Variants in ARFGEF1 observed in about 807,000 individuals in gnomAD.
ARFGEF1 encodes brefeldin A-inhibited guanine nucleotide-exchange protein 1.
Under a neutral mutation model 231.0 loss-of-function variants are expected in ARFGEF1, and 42 were observed. The observed-to-expected ratio is 0.18, with a 90% confidence interval of 0.14 to 0.24. The LOEUF (loss-of-function observed/expected upper bound fraction) is 0.24, where lower values mean the gene tolerates loss of function less well. Ranked by LOEUF, ARFGEF1 falls within the 10% of genes least tolerant of loss-of-function variation. ARFGEF1 has a pLI of 1.00. For synonymous variants in ARFGEF1, 710 were observed against 732.3 expected, an observed-to-expected ratio of 0.97 and a Z score of 0.49; for missense variants, 1,345 against 2,192.0, an observed-to-expected ratio of 0.61 and a Z score of 7.72.
rs1186065653 is a variant in ARFGEF1, at chr8:67,341,425, CAAAAAAAAAAA to C, written c.124+1728_124+1738del. 1.5e-4 allele frequency among the ~76,000 whole-genome samples: 13 copies of C among 87,912 alleles called. No homozygotes were observed. The East Asian group carries it at 4.0e-3, about 27-fold the overall frequency. The allele number at this position is 87,912 out of a possible 152,430, so 57.7% of individuals were successfully genotyped here. A position where few individuals can be genotyped will look rare whatever the true frequency, so the allele number is the denominator to read the frequency against. On this transcript the variant is annotated intron_variant, in intron 1 of 38. Transcript: ENST00000262215. ...GATATAGAGAGACCGCCATCTCCAC[CAAAAAAAAAAA>C]AAAAAAAAAAAAATTAGCCAGGTGT...
intron 29 of ARFGEF1, among the ~76,000 whole-genome samples, chr8:67,221,761 C>T (rs1839168563): frequency 6.6e-6 from 1 of 151,746 alleles, no homozygotes; most frequent in Non-Finnish European, 1.5e-5. Flanking sequence ...TCCAGTCCGG[C>T]GAGTTCCAGT....
At chr8:67,184,654 G>A (rs1046240178) in intron 5 of ARFGEF1, among the ~76,000 whole-genome samples, 1 of 151,950 alleles carries the variant, frequency 6.6e-6, no homozygotes, top group Non-Finnish European at 1.5e-5. Context: ...GAACCAGGAG[G>A]TGGAGGTTAC....
At chr8:67,251,061 C>A in intron 19 of ARFGEF1, among the ~76,000 whole-genome samples, 1 of 152,180 alleles carries the variant, frequency 6.6e-6, no homozygotes, top group Non-Finnish European at 1.5e-5. Flanking sequence ...CTTTTCTTTG[C>A]TTAATTCCTA....
At position 67,222,164 on chromosome 8, in the gene ARFGEF1, CATATATATATATATACACATATATAT is replaced by C. The variant is rs1190353196; in HGVS notation, c.4209-2630_4209-2605del. Among the ~76,000 whole-genome samples, 35 of 119,152 alleles carry C rather than the reference CATATATATATATATACACATATATAT, an allele frequency of 2.9e-4. 2 individuals are homozygous for C. Among genetic ancestry groups the C allele is most frequent in the Middle Eastern group, 4.4e-3 (1 of 228 alleles). 78.2% of individuals were successfully genotyped at this position (119,152 alleles called of 152,430 possible). A position where few individuals can be genotyped will look rare whatever the true frequency, so the allele number is the denominator to read the frequency against. On this transcript the variant is annotated intron_variant, in intron 29 of 38. Coordinates refer to ENST00000262215, the MANE Select transcript of ARFGEF1 (RefSeq NM_006421.5). ...ATGTTTTTACTGTACCTTTTCCATG[CATATATATATATATACACATATATAT>C]ATATATATATATATACACACACATA...
intron 27 of ARFGEF1, 35 bp downstream of exon 27, chr8:67,227,102 T>A: frequency 6.5e-7 from 1 of 1,545,954 alleles, no homozygotes; most frequent in Admixed American, 2.0e-5. Flanking sequence ...TTTTTTTTTT[T>A]CCTTTTACTT....
intron 1 of ARFGEF1, 61 bp downstream of exon 1, chr8:67,343,092 CACCCCCCCACA>C: frequency 1.6e-6 from 1 of 611,432 alleles, no homozygotes; most frequent in Non-Finnish European, 2.5e-6. Flanking sequence ...CGGGCGACCC[CACCCCCCCACA>C]GGCGCCCCCC....
At chr8:67,227,356 C>T in intron 26 of ARFGEF1, 47 bp from the exon 27 acceptor site, 1 of 1,596,342 alleles carries the variant, frequency 6.3e-7, no homozygotes, top group Non-Finnish European at 8.6e-7. Context: ...CGATAAAACT[C>T]ATCAGTTTTT....
chr8:67,186,406 ACT>A (rs1204771431), intron 5 of ARFGEF1, among the ~76,000 whole-genome samples: 12 of 126,134 alleles, frequency 9.5e-5, no homozygotes, highest in African/African-American at 4.0e-4. Context: ...AATAAACCTC[ACT>A]GTTTTAAATT....
intron 1 of ARFGEF1, among the ~76,000 whole-genome samples, chr8:67,335,385 G>A (rs573699003): frequency 9.9e-5 from 15 of 152,192 alleles, no homozygotes; most frequent in Admixed American, 2.6e-4. Flanking sequence ...GATCACAGGC[G>A]CCAGCCACCA....
chr8:67,303,614 T>C (rs969766710), intron 1 of ARFGEF1, among the ~76,000 whole-genome samples: 2 of 151,852 alleles, frequency 1.3e-5, no homozygotes, highest in African/African-American at 4.8e-5. Context: ...CTCGGACGGC[T>C]GAGGCAGGAG....
At chr8:67,185,261 T>G (rs1347248617) in intron 5 of ARFGEF1, among the ~76,000 whole-genome samples, 1 of 152,150 alleles carries the variant, frequency 6.6e-6, no homozygotes, top group Non-Finnish European at 1.5e-5. Flanking sequence ...CACCAGCCAA[T>G]GGAAGATTTG....
chr8:67,258,377 G>A, intron 15 of ARFGEF1, 87 bp from the exon 16 acceptor site: 15 of 951,354 alleles, frequency 1.6e-5, no homozygotes, highest in Non-Finnish European at 2.3e-5. Flanking sequence ...CCAGGCTGGG[G>A]TGCAGTGGCA....
Position 67,343,501 on chromosome 8 carries a change from A to C in ARFGEF1, c.-214T>G. 2 of 1,246,292 alleles carry C rather than the reference A, an allele frequency of 1.6e-6. No homozygotes were observed. The highest frequency in any genetic ancestry group is 3.4e-5 in the East Asian group (1 of 28,996). 77.2% of individuals were successfully genotyped at this position (1,246,292 alleles called of 1,614,324 possible). On this transcript the variant is annotated 5_prime_UTR_variant, in exon 1 of 39. Transcript: ENST00000262215. ...CGTCGAGGTCCTCGCCGCCCCCAAG[A>C]AGCCGTACCTCGAGGGCCGCGCCCG... is the stretch of plus-strand genomic sequence containing the variant.
chr8:67,206,791 G>A (rs917223776), intron 34 of ARFGEF1, among the ~76,000 whole-genome samples: 3 of 152,244 alleles, frequency 2.0e-5, no homozygotes, highest in African/African-American at 7.2e-5. Flanking sequence ...GCAGACAACT[G>A]CCCAAAGGGA....
downstream of ARFGEF1, among the ~76,000 whole-genome samples, chr8:67,194,687 TA>T (rs546923662): frequency 0.019 from 2,592 of 135,256 alleles, 53 homozygotes; most frequent in African/African-American, 0.056. Context: ...CCAGGAGAAT[TA>T]AAAAAAAAAA....
chr8:67,300,660 CA>C (rs200434355), intron 3 of ARFGEF1, among the ~76,000 whole-genome samples: 4,269 of 87,952 alleles, frequency 0.049, 57 homozygotes, highest in African/African-American at 0.11. Context: ...CTTGTCTCTT[CA>C]AAAAAAAAAA....
intron 1 of ARFGEF1, among the ~76,000 whole-genome samples, chr8:67,338,439 A>G (rs1380075002): frequency 6.6e-6 from 1 of 152,230 alleles, no homozygotes; most frequent in African/African-American, 2.4e-5. Context: ...AAATTCAGGA[A>G]GAACTTCATT....
chr8:67,257,482 A>G (rs1404492211), intron 17 of ARFGEF1, among the ~76,000 whole-genome samples: 1 of 152,232 alleles, frequency 6.6e-6, no homozygotes, highest in African/African-American at 2.4e-5. Flanking sequence ...ATTAAAATTT[A>G]TCTTAAGCTT....
At position 67,271,833 on chromosome 8, in the gene ARFGEF1, T is replaced by A; in HGVS notation, c.1441A>T (p.Ile481Phe). The A allele has an allele frequency of 6.2e-7, 1 of 1,613,714 alleles. No homozygotes were observed. The highest frequency in any genetic ancestry group is 8.5e-7 in the Non-Finnish European group (1 of 1,179,702). ...AGTGCAACACAAAGATACTGCTTAA[T>A]AGCATTAATAAACATCTCATTTGTC... ...FRTNEMFINAIKQYLCVALSK... is the reference protein window; with the variant it reads ...FRTNEMFINAFKQYLCVALSK... The change falls in exon 10 of 39, where the codon ATT (isoleucine) becomes TTT (phenylalanine). Residue 481 changes from isoleucine (I) to phenylalanine (F), a missense_variant. Coordinates refer to ENST00000262215, the MANE Select transcript of ARFGEF1 (RefSeq NM_006421.5).
Sources: allele counts gnomAD v4.1 joint callset (sites outside exome capture counted in the v4.1 genomes callset), GRCh38; gene constraint gnomAD v4.1.1; transcripts MANE v1.5; gene names NCBI Gene and HGNC (gene_info 2026-07-23, HGNC 2026-07-21).